Variants in ARAP2 observed in about 807,000 individuals in gnomAD.
The protein encoded by ARAP2 is arf-GAP with Rho-GAP domain, ANK repeat and PH domain-containing protein 2.
Under a neutral mutation model 194.5 loss-of-function variants are expected in ARAP2, and 148 were observed. The observed-to-expected ratio is 0.76, with a 90% CI of 0.67 to 0.87. The LOEUF (loss-of-function observed/expected upper bound fraction) is 0.87. ARAP2 is among the 40% of genes least tolerant of loss of function. ARAP2 has a pLI of 0.00. For missense variants in ARAP2, 2,128 were observed against 1,989.7 expected, an observed-to-expected ratio of 1.07 and a Z score of -1.32; for synonymous variants, 695 against 683.5, an observed-to-expected ratio of 1.02 and a Z score of -0.26.
chr4:36,025,209 C>T (rs563168369), intron 5 of ARAP2, among the ~76,000 whole-genome samples: 56 of 152,186 alleles, frequency 3.7e-4, no homozygotes, highest in African/African-American at 9.9e-4. Context: ...AAGTAAGTGG[C>T]TTAGGAATAT....
intron 26 of ARAP2, among the ~76,000 whole-genome samples, chr4:36,110,875 C>T (rs1178000648): frequency 6.6e-6 from 1 of 151,858 alleles, no homozygotes; most frequent in African/African-American, 2.4e-5. Flanking sequence ...ATGGTGATTC[C>T]ATTTACAGGT....
intron 30 of ARAP2, among the ~76,000 whole-genome samples, chr4:36,081,351 G>A (rs971221477): frequency 2.6e-5 from 4 of 152,096 alleles, no homozygotes; most frequent in African/African-American, 9.7e-5. Flanking sequence ...ATGACAGGAA[G>A]GAGAAGTGAA....
chr4:36,174,631 A>C (rs1345213040), intron 9 of ARAP2, among the ~76,000 whole-genome samples: 1 of 152,186 alleles, frequency 6.6e-6, no homozygotes, highest in Non-Finnish European at 1.5e-5. Context: ...CAGATTCTAC[A>C]ACCCCTTTCC....
In ARAP2 at chr4:36,165,007, T is replaced by C. The variant is rs146120761; in HGVS notation, c.2080A>G (p.Asn694Asp). 192 of 1,614,022 alleles carry C rather than the reference T, an allele frequency of 1.2e-4. No homozygotes were observed. Among genetic ancestry groups the C allele is most frequent in the Non-Finnish European group, 1.4e-4 (166 of 1,179,968 alleles). Residue 694 changes from asparagine to aspartate, a missense_variant, in exon 11 of 33, where the codon AAT becomes GAT. By Grantham distance (23) the Asn-to-Asp change is conservative. Coordinates refer to ENST00000303965, the MANE Select transcript of ARAP2 (RefSeq NM_015230.4). ...TCTGCACAGCTCCTGTTGGATTCATTGAACCAAATCTTCTCAGCTACTTCA... is the reference window on the plus strand; with the variant it reads ...TCTGCACAGCTCCTGTTGGATTCATCGAACCAAATCTTCTCAGCTACTTCA... Reference protein sequence around the residue: ...DYEVAEKIWFNESNRSCADCK... With the variant: ...DYEVAEKIWFDESNRSCADCK...
intron 6 of ARAP2, among the ~76,000 whole-genome samples, chr4:36,018,243 G>C (rs558958879): frequency 6.6e-6 from 1 of 152,126 alleles, no homozygotes; most frequent in Non-Finnish European, 1.5e-5. Flanking sequence ...GAGGTCATGA[G>C]TTTCAAGAGT....
intron 9 of ARAP2, among the ~76,000 whole-genome samples, chr4:36,170,002 A>T (rs1021831295): frequency 1.3e-5 from 2 of 152,252 alleles, no homozygotes; most frequent in Admixed American, 1.3e-4. Context: ...AACTGTGGAC[A>T]TTAAGCCATT....
At chr4:36,114,072 CAA>C (rs1720710892) in intron 26 of ARAP2, 96 bp downstream of exon 26, 4 of 902,874 alleles carry the variant, frequency 4.4e-6, no homozygotes, top group East Asian at 2.6e-5. Context: ...AAAATCATAA[CAA>C]GATGTTAAGA....
Position 36,140,309 on chromosome 4 carries a change from C to T in ARAP2, c.3264-6920G>A, listed in dbSNP as rs1466362967. Among the ~76,000 whole-genome samples the T allele has an allele frequency of 4.6e-5, 7 of 151,684 alleles. No homozygotes were observed. In the Admixed American group the frequency reaches 4.6e-4, roughly 10 times the overall value. ...AACAAAATTGTTGAAGCAAATAATA[C>T]ACGTTTTAAAATCTACCTTTTGTTA... is the stretch of plus-strand genomic sequence containing the variant. On this transcript the variant is annotated intron_variant, in intron 19 of 32. Coordinates refer to ENST00000303965, the MANE Select transcript of ARAP2 (RefSeq NM_015230.4).
intron 11 of ARAP2, among the ~76,000 whole-genome samples, chr4:36,164,468 T>C (rs1734814153): frequency 6.6e-6 from 1 of 152,190 alleles, no homozygotes; most frequent in South Asian, 2.1e-4. Flanking sequence ...GTGAAATGCT[T>C]CTTTATAAAA....
intron 16 of ARAP2, 44 bp downstream of exon 16, chr4:36,150,856 C>T: frequency 2.5e-6 from 4 of 1,573,534 alleles, no homozygotes; most frequent in Non-Finnish European, 3.5e-6. Flanking sequence ...TTATAATTAT[C>T]TGAAAATACC....
intron 32 of ARAP2, among the ~76,000 whole-genome samples, chr4:36,071,511 C>T (rs1726881003): frequency 6.6e-6 from 1 of 152,082 alleles, no homozygotes; most frequent in African/African-American, 2.4e-5. Flanking sequence ...TGAAGCCTTC[C>T]CTACCTGGAT....
In ARAP2 at chr4:36,229,402, C is replaced by T; in HGVS notation, c.85G>A (p.Glu29Lys). 1 of 1,613,948 alleles carries T rather than the reference C, an allele frequency of 6.2e-7. No individual in the cohort carries two copies. The highest frequency in any genetic ancestry group is 8.5e-7 in the Non-Finnish European group (1 of 1,179,922). Residue 29 changes from glutamate (E) to lysine (K), a missense_variant, in exon 2 of 33, where the codon GAG becomes AAG. Coordinates refer to ENST00000303965, the MANE Select transcript of ARAP2 (RefSeq NM_015230.4). ...NLEQYLLHFH[E>K]SGFTTVKDCA... ...TCCTTCACAGTAGTAAAACCAGACT[C>T]ATGGAAATGTAAGAGATACTGCTCC...
At chr4:36,138,487 G>A (rs1309490327) in intron 19 of ARAP2, among the ~76,000 whole-genome samples, 2 of 151,546 alleles carry the variant, frequency 1.3e-5, no homozygotes, top group African/African-American at 4.8e-5. Context: ...TTTGTGTCTG[G>A]CTTCTTTTAT....
intron 2 of ARAP2, among the ~76,000 whole-genome samples, chr4:36,223,631 G>A (rs775662717): frequency 6.6e-6 from 1 of 152,042 alleles, no homozygotes; most frequent in Admixed American, 6.6e-5. Context: ...TTTAAATTAG[G>A]TAAGTAATTG....
intron 19 of ARAP2, among the ~76,000 whole-genome samples, chr4:36,138,297 C>G (rs1727336967): frequency 6.6e-6 from 1 of 151,642 alleles, no homozygotes; most frequent in African/African-American, 2.4e-5. Context: ...ACTTGTGTAA[C>G]TACCACCATG....
intron 27 of ARAP2, among the ~76,000 whole-genome samples, chr4:36,096,362 C>CA (rs10632831): frequency 0.38 from 30,634 of 80,548 alleles, 5,001 homozygotes; most frequent in Non-Finnish European, 0.45. Flanking sequence ...GAGACTCTCT[C>CA]AAAAAAAAAA....
intron 6 of ARAP2, among the ~76,000 whole-genome samples, chr4:36,200,344 C>T (rs1744114012): frequency 6.6e-6 from 1 of 152,040 alleles, no homozygotes; most frequent in African/African-American, 2.4e-5. Context: ...CAACCTCCAC[C>T]TCCTAGGTTC....
intron 2 of ARAP2, among the ~76,000 whole-genome samples, chr4:36,057,321 G>T: frequency 2.7e-5 from 4 of 147,640 alleles, no homozygotes; most frequent in African/African-American, 2.5e-5. Flanking sequence ...CTTTTCCATT[G>T]TTTTATTACA....
chr4:36,116,890 C>T (rs1027128116), intron 25 of ARAP2, among the ~76,000 whole-genome samples, 171 bp downstream of exon 25: 16 of 151,658 alleles, frequency 1.1e-4, no homozygotes, highest in Non-Finnish European at 1.8e-4. Flanking sequence ...TCTTTCCAAA[C>T]GATCAAAATA....
Sources: allele counts gnomAD v4.1 joint callset (sites outside exome capture counted in the v4.1 genomes callset), GRCh38; gene constraint gnomAD v4.1.1; transcripts MANE v1.5; gene names NCBI Gene and HGNC (gene_info 2026-07-23, HGNC 2026-07-21).